The following PTPRD variants were observed in gnomAD, a reference collection of about 807,000 sequenced individuals.
PTPRD encodes the protein receptor-type tyrosine-protein phosphatase delta.
PTPRD carries 34 observed loss-of-function variants against 214.5 expected under a neutral mutation model. The observed-to-expected ratio is 0.16, with a 90% CI of 0.12 to 0.21. The LOEUF is 0.21. Ranked by LOEUF, PTPRD falls within the 10% of genes least tolerant of loss-of-function variation. The pLI is 1.00. For synonymous variants in PTPRD, 1,128 were observed against 845.7 expected (o/e 1.33, Z -5.79); for missense variants, 2,545 against 2,398.7 (o/e 1.06, Z -1.27).
chr9:9,939,899 T>C (rs745542003), intron 4 of PTPRD, among the ~76,000 whole-genome samples: 14 of 152,198 alleles, frequency 9.2e-5, no homozygotes, highest in Non-Finnish European at 1.2e-4. Flanking sequence ...TCTCAGATCA[T>C]TCTGGAATCC....
chr9:8,593,316 A>G (rs2094250627), intron 14 of PTPRD, among the ~76,000 whole-genome samples: 1 of 152,220 alleles, frequency 6.6e-6, no homozygotes, highest in African/African-American at 2.4e-5. Flanking sequence ...TTCATAATAT[A>G]TCTATGGTCT....
intron 2 of PTPRD, among the ~76,000 whole-genome samples, chr9:10,494,130 T>A (rs1589407421): frequency 6.6e-6 from 1 of 151,960 alleles, no homozygotes; most frequent in Non-Finnish European, 1.5e-5. Context: ...TCCTTTTCAA[T>A]ATATTTACAT....
intron 11 of PTPRD, among the ~76,000 whole-genome samples, chr9:8,966,391 C>A (rs1276548410): frequency 6.6e-6 from 1 of 150,718 alleles, no homozygotes; most frequent in Non-Finnish European, 1.5e-5. Flanking sequence ...GGTACTGGCA[C>A]AAAAACAGAC....
chr9:9,409,165 G>A (rs1255466303), intron 8 of PTPRD, among the ~76,000 whole-genome samples: 1 of 151,818 alleles, frequency 6.6e-6, no homozygotes, highest in Non-Finnish European at 1.5e-5. Context: ...TGTGTGCTGA[G>A]CTTATCTCAG....
Position 9,128,389 on chromosome 9 carries a change from G to A in PTPRD, c.-143+54915C>T, listed in dbSNP as rs1250662376. 2.6e-5 allele frequency among the ~76,000 whole-genome samples: 4 copies of A among 152,232 alleles called. No homozygotes were observed. The East Asian group carries it at 5.8e-4, about 22-fold the overall frequency. ...CATACTGTCCAAGTATTAGTAAACA[G>A]ATGACTGATGATAATTCAGGAGTAT... On this transcript the variant is annotated intron_variant, in intron 10 of 45. Coordinates refer to ENST00000381196, the MANE Select transcript of PTPRD (RefSeq NM_002839.4).
At chr9:8,956,481 A>C (rs1051029626) in intron 11 of PTPRD, among the ~76,000 whole-genome samples, 2 of 151,806 alleles carry the variant, frequency 1.3e-5, no homozygotes, top group African/African-American at 4.8e-5. Flanking sequence ...TTAACAAAGA[A>C]GAAGCAAATG....
intron 8 of PTPRD, among the ~76,000 whole-genome samples, chr9:9,507,489 A>C (rs1173636896): frequency 6.6e-6 from 1 of 151,322 alleles, no homozygotes; most frequent in Non-Finnish European, 1.5e-5. Flanking sequence ...CCTGGAAAAG[A>C]AGACAAGATA....
intron 8 of PTPRD, among the ~76,000 whole-genome samples, chr9:9,556,589 T>A (rs1799596388): frequency 6.6e-6 from 1 of 152,334 alleles, no homozygotes; most frequent in East Asian, 1.9e-4. Context: ...ACATTGTAGA[T>A]CCTCAGTTAA....
chr9:9,852,739 G>A (rs891580754), intron 5 of PTPRD, among the ~76,000 whole-genome samples: 1 of 152,070 alleles, frequency 6.6e-6, no homozygotes, highest in African/African-American at 2.4e-5. Flanking sequence ...CATGATGCTA[G>A]CAGAGGCAAG....
At chr9:10,085,482 G>C (rs774416613) in intron 3 of PTPRD, among the ~76,000 whole-genome samples, 5 of 151,746 alleles carry the variant, frequency 3.3e-5, no homozygotes, top group Non-Finnish European at 7.4e-5. Flanking sequence ...TGTTTCTGTT[G>C]GTCATTTCAT....
At chr9:8,558,258 A>C (rs2084775738) in intron 14 of PTPRD, among the ~76,000 whole-genome samples, 1 of 152,152 alleles carries the variant, frequency 6.6e-6, no homozygotes, top group Non-Finnish European at 1.5e-5. Context: ...AAGATGTTTT[A>C]TTTTCTTCCT....
intron 14 of PTPRD, among the ~76,000 whole-genome samples, chr9:8,625,042 A>C (rs529870787): frequency 1.7e-4 from 26 of 151,950 alleles, no homozygotes; most frequent in African/African-American, 6.3e-4. Flanking sequence ...GGTGCCCAAT[A>C]AATGCCAGGA....
intron 7 of PTPRD, among the ~76,000 whole-genome samples, chr9:9,727,232 A>T (rs1390809139): frequency 6.6e-6 from 1 of 151,990 alleles, no homozygotes; most frequent in African/African-American, 2.4e-5. Context: ...GAGGCAGGTG[A>T]ATTGTCCAGG....
intron 7 of PTPRD, among the ~76,000 whole-genome samples, chr9:9,731,377 C>T (rs2098188522): frequency 6.6e-6 from 1 of 152,060 alleles, no homozygotes; most frequent in African/African-American, 2.4e-5. Context: ...TTTTCAAATA[C>T]TATTAACCAT....
chr9:8,386,770 G>A (rs1406684276), intron 37 of PTPRD, among the ~76,000 whole-genome samples: 1 of 152,124 alleles, frequency 6.6e-6, no homozygotes, highest in African/African-American at 2.4e-5. Flanking sequence ...CTCTTGTTTG[G>A]GAATCCAGGA....
chr9:9,958,625 G>C (rs937153742), intron 4 of PTPRD, among the ~76,000 whole-genome samples: 1 of 152,062 alleles, frequency 6.6e-6, no homozygotes, highest in South Asian at 2.1e-4. Flanking sequence ...AAATAGTTGG[G>C]TAATTTATTT....
intron 2 of PTPRD, among the ~76,000 whole-genome samples, chr9:10,512,145 G>A (rs184319421): frequency 3.4e-5 from 5 of 147,098 alleles, no homozygotes; most frequent in Non-Finnish European, 7.4e-5. Context: ...TAGATGGCAT[G>A]GTAATAAGAA....
chr9:10,609,549 T>G (rs897384011), intron 2 of PTPRD, among the ~76,000 whole-genome samples: 1 of 152,122 alleles, frequency 6.6e-6, no homozygotes, highest in African/African-American at 2.4e-5. Flanking sequence ...TGGATATAAC[T>G]AGCAATATTT....
chr9:8,536,875 A>G (rs1593076636), intron 14 of PTPRD, among the ~76,000 whole-genome samples: 1 of 152,000 alleles, frequency 6.6e-6, no homozygotes, highest in Non-Finnish European at 1.5e-5. Flanking sequence ...CAGAGGCTGG[A>G]AGGCAGAGGA....
Sources: allele counts gnomAD v4.1 joint callset (sites outside exome capture counted in the v4.1 genomes callset), GRCh38; gene constraint gnomAD v4.1.1; transcripts MANE v1.5; gene names NCBI Gene and HGNC (gene_info 2026-07-23, HGNC 2026-07-21).